Variants in GRID2 observed in about 807,000 individuals in gnomAD.
GRID2 encodes the protein glutamate receptor ionotropic, delta-2.
A neutral mutation model predicts 114.8 loss-of-function variants in GRID2; 33 were observed. The ratio of observed to expected loss-of-function variants is 0.29; its 90% confidence interval spans 0.22 to 0.38. The LOEUF is 0.38. Ranked by LOEUF, GRID2 falls within the 10% of genes least tolerant of loss-of-function variation. The probability of loss-of-function intolerance (pLI) is 1.00; values close to 1 mark genes in which losing one functional copy is unlikely to be tolerated. For missense variants in GRID2, 1,184 were observed against 1,257.7 expected, an observed-to-expected ratio of 0.94 and a Z score of 0.89; for synonymous variants, 505 against 449.9, an observed-to-expected ratio of 1.12 and a Z score of -1.55.
rs1235112811 is a variant in GRID2 at position 93,524,805 on chromosome 4, ATATATATATGTATGTATG to A, written c.2193+9404_2193+9421del. The stretch of plus-strand genomic sequence containing the variant: ...TATGTGTATATATATATATATATAT[ATATATATATGTATGTATG>A]TATATATATATATATATATATATAT... On this transcript the variant is annotated intron_variant, in intron 13 of 15. Transcript: ENST00000282020. Among the ~76,000 whole-genome samples, 733 of 77,406 alleles carry A rather than the reference ATATATATATGTATGTATG, an allele frequency of 9.5e-3. 11 individuals are homozygous for A. The highest frequency in any genetic ancestry group is 0.018 in the South Asian group (36 of 2,036). 50.8% of individuals were successfully genotyped at this position (77,406 alleles called of 152,430 possible).
At chr4:92,906,373 G>A (rs1022157875) in intron 2 of GRID2, among the ~76,000 whole-genome samples, 14 of 141,338 alleles carry the variant, frequency 9.9e-5, no homozygotes, top group African/African-American at 2.3e-4. Flanking sequence ...ACATCTCTAC[G>A]CAGATTTTTA....
chr4:92,743,624 C>A (rs143468168), intron 2 of GRID2, among the ~76,000 whole-genome samples: 13 of 152,172 alleles, frequency 8.5e-5, no homozygotes, highest in African/African-American at 3.1e-4. Context: ...AAAGAAACTG[C>A]TCATCAAATT....
At chr4:92,346,222 A>G (rs942965316) in intron 1 of GRID2, among the ~76,000 whole-genome samples, 2 of 152,164 alleles carry the variant, frequency 1.3e-5, no homozygotes, top group African/African-American at 2.4e-5. Flanking sequence ...GAGAGGTCTC[A>G]TTTCCATTGG....
chr4:92,678,180 C>T (rs965245896), intron 2 of GRID2, among the ~76,000 whole-genome samples: 7 of 152,156 alleles, frequency 4.6e-5, no homozygotes, highest in African/African-American at 1.2e-4. Flanking sequence ...TTTTTTATTG[C>T]GATTTCCTCC....
intron 8 of GRID2, among the ~76,000 whole-genome samples, chr4:93,319,073 G>A (rs1756966272): frequency 6.6e-6 from 1 of 152,088 alleles, no homozygotes; most frequent in South Asian, 2.1e-4. Context: ...GAGTTGGGTA[G>A]GGATGCTAAT....
At chr4:93,492,337 G>A (rs1419185886) in intron 12 of GRID2, among the ~76,000 whole-genome samples, 2 of 151,828 alleles carry the variant, frequency 1.3e-5, no homozygotes, top group Non-Finnish European at 2.9e-5. Flanking sequence ...AACTAAAGTT[G>A]AGAGGATAAG....
intron 9 of GRID2, among the ~76,000 whole-genome samples, chr4:93,413,203 A>G (rs751271448): frequency 2.6e-5 from 4 of 152,008 alleles, no homozygotes; most frequent in African/African-American, 4.8e-5. Context: ...ACTAATTTAC[A>G]CTCCCACCAA....
intron 3 of GRID2, among the ~76,000 whole-genome samples, chr4:93,100,944 A>G (rs1307098032): frequency 6.6e-6 from 1 of 152,036 alleles, no homozygotes; most frequent in African/African-American, 2.4e-5. Flanking sequence ...TGTAGTTTGG[A>G]AAATGAGTAG....
At chr4:93,020,864 C>T (rs912320442) in intron 2 of GRID2, among the ~76,000 whole-genome samples, 12 of 151,966 alleles carry the variant, frequency 7.9e-5, no homozygotes, top group Non-Finnish European at 1.6e-4. Flanking sequence ...AAAACCCCGT[C>T]TCTACTAAAA....
At chr4:93,703,296 A>C (rs1727671972) in intron 14 of GRID2, among the ~76,000 whole-genome samples, 1 of 152,110 alleles carries the variant, frequency 6.6e-6, no homozygotes, top group South Asian at 2.1e-4. Flanking sequence ...GTATATTTAT[A>C]AGGTACGTGA....
chr4:93,193,410 G>C (rs916129718), intron 4 of GRID2, among the ~76,000 whole-genome samples: 1 of 152,100 alleles, frequency 6.6e-6, no homozygotes, highest in African/African-American at 2.4e-5. Context: ...CCATGCTGCT[G>C]TTCTCATGAT....
At chr4:93,673,200 G>C (rs954622259) in intron 14 of GRID2, among the ~76,000 whole-genome samples, 3 of 152,106 alleles carry the variant, frequency 2.0e-5, no homozygotes, top group Admixed American at 2.0e-4. Context: ...CAGGTAATTA[G>C]CTTCTTTATA....
At chr4:93,148,873 A>G (rs1215411262) in intron 4 of GRID2, among the ~76,000 whole-genome samples, 1 of 151,496 alleles carries the variant, frequency 6.6e-6, no homozygotes, top group African/African-American at 2.4e-5. Flanking sequence ...GAAACATTAT[A>G]TATATTTAGA....
intron 4 of GRID2, among the ~76,000 whole-genome samples, chr4:93,115,702 A>C (rs1265396422): frequency 1.3e-5 from 2 of 152,142 alleles, no homozygotes; most frequent in Non-Finnish European, 2.9e-5. Flanking sequence ...GTGGAAGGTG[A>C]AAGGTATGTC....
intron 8 of GRID2, among the ~76,000 whole-genome samples, chr4:93,267,687 G>C (rs1453819807): frequency 1.3e-5 from 2 of 152,110 alleles, no homozygotes; most frequent in Non-Finnish European, 2.9e-5. Flanking sequence ...TCCCACAAAG[G>C]GGAAGCACAC....
chr4:92,823,336 ATC>A (rs1741427239), intron 2 of GRID2, among the ~76,000 whole-genome samples: 1 of 152,166 alleles, frequency 6.6e-6, no homozygotes, highest in South Asian at 2.1e-4. Context: ...TACAGAGCTT[ATC>A]TCTTATTTGC....
intron 2 of GRID2, among the ~76,000 whole-genome samples, chr4:92,885,446 G>A (rs1746308258): frequency 6.6e-6 from 1 of 152,154 alleles, no homozygotes. Flanking sequence ...GTCTGGATTT[G>A]AAATTAACTC....
intron 2 of GRID2, among the ~76,000 whole-genome samples, chr4:92,863,643 A>T (rs1744675230): frequency 6.6e-6 from 1 of 152,078 alleles, no homozygotes. Context: ...CTTCACTTTC[A>T]TCATTTTTAC....
At chr4:92,577,928 T>C (rs2149199241) in intron 1 of GRID2, among the ~76,000 whole-genome samples, 1 of 152,146 alleles carries the variant, frequency 6.6e-6, no homozygotes, top group South Asian at 2.1e-4. Context: ...TGAATCACGA[T>C]GGGATTAGCT....
Sources: gnomAD v4.1 joint callset for allele counts (sites outside exome capture counted in the v4.1 genomes callset) on GRCh38, gnomAD v4.1.1 for gene constraint, MANE v1.5 for transcripts, NCBI Gene and HGNC (gene_info 2026-07-23, HGNC 2026-07-21) for gene names.